ATP13A5: variants seen among roughly 807,000 people sequenced by gnomAD.
ATP13A5 encodes the protein ATPase 13A5.
In ATP13A5, 149 loss-of-function variants were observed where a neutral mutation model predicts 150.2. The observed-to-expected ratio is 0.99, with a 90% CI of 0.87 to 1.14. The LOEUF (loss-of-function observed/expected upper bound fraction) is 1.14, where lower values mean the gene tolerates loss of function less well. Ranked by LOEUF, ATP13A5 falls within the 50% of genes most tolerant of loss-of-function variation. The pLI is 0.00. For synonymous variants in ATP13A5, 497 were observed against 522.2 expected (o/e 0.95, Z 0.66); for missense variants, 1,383 against 1,449.3 (o/e 0.95, Z 0.74).
chr3:193,357,080 C>T (rs1192461261), intron 5 of ATP13A5, among the ~76,000 whole-genome samples: 2 of 152,178 alleles, frequency 1.3e-5, no homozygotes, highest in African/African-American at 4.8e-5. Flanking sequence ...TCCCAAAATG[C>T]TGGGATTACA....
intron 7 of ATP13A5, among the ~76,000 whole-genome samples, chr3:193,346,431 G>A (rs998346293): frequency 3.3e-5 from 5 of 152,180 alleles, no homozygotes; most frequent in African/African-American, 9.7e-5. Flanking sequence ...CAGACTGACT[G>A]TTGGGGCAAC....
At chr3:193,308,776 T>A (rs75980281) in intron 21 of ATP13A5, among the ~76,000 whole-genome samples, 4 of 152,188 alleles carry the variant, frequency 2.6e-5, no homozygotes, top group Non-Finnish European at 5.9e-5. Context: ...TCTTCCTGAA[T>A]TCATTTTTTA....
At chr3:193,291,365 T>C (rs1717947086) in intron 25 of ATP13A5, among the ~76,000 whole-genome samples, 1 of 152,028 alleles carries the variant, frequency 6.6e-6, no homozygotes, top group Non-Finnish European at 1.5e-5. Context: ...CACAGACAGA[T>C]TGTGTAATAA....
chr3:193,342,392 T>C (rs3845937), intron 9 of ATP13A5, among the ~76,000 whole-genome samples: 1 of 152,198 alleles, frequency 6.6e-6, no homozygotes, highest in Admixed American at 6.5e-5. Context: ...ATGTAGGCTG[T>C]GCAATAAAGT....
chr3:193,287,336 T>C (rs1371801312), intron 26 of ATP13A5, among the ~76,000 whole-genome samples: 3 of 152,160 alleles, frequency 2.0e-5, no homozygotes, highest in African/African-American at 7.2e-5. Context: ...CTTTAATAAC[T>C]AGAGATAAGT....
intron 27 of ATP13A5, chr3:193,281,185 C>T: frequency 1.0e-6 from 1 of 985,290 alleles, no homozygotes. Flanking sequence ...TTTTCATTTA[C>T]TTCATGGATT....
At chr3:193,336,693 A>G (rs1331358881) in intron 9 of ATP13A5, among the ~76,000 whole-genome samples, 1 of 152,222 alleles carries the variant, frequency 6.6e-6, no homozygotes, top group Non-Finnish European at 1.5e-5. Flanking sequence ...GCCACAATAA[A>G]CATACGTGTG....
intron 12 of ATP13A5, among the ~76,000 whole-genome samples, chr3:193,327,774 A>G (rs1313337368): frequency 1.3e-5 from 2 of 152,198 alleles, no homozygotes; most frequent in East Asian, 1.9e-4. Context: ...GTGTTGATGA[A>G]TTACATACTC....
chr3:193,333,649 C>T (rs1711728114), intron 11 of ATP13A5, 101 bp downstream of exon 11: 12 of 1,199,182 alleles, frequency 1.0e-5, no homozygotes, highest in Non-Finnish European at 5.9e-6. Context: ...TAATGATTCA[C>T]AGAATGATGG....
chr3:193,334,866 C>A, intron 10 of ATP13A5, 63 bp downstream of exon 10: 1 of 1,506,624 alleles, frequency 6.6e-7, no homozygotes, highest in Non-Finnish European at 9.1e-7. Context: ...AACTAAATTT[C>A]CCTAATCCAA....
intron 27 of ATP13A5, 52 bp downstream of exon 27, chr3:193,284,862 G>T: frequency 7.0e-7 from 1 of 1,435,200 alleles, no homozygotes; most frequent in Non-Finnish European, 9.6e-7. Context: ...TCTAGGGTGA[G>T]AAAGGGAATG....
Position 193,275,123 on chromosome 3 carries a change from A to G in ATP13A5, c.3576T>C (p.Tyr1192=), listed in dbSNP as rs374698924. 59 of 1,614,092 alleles carry G rather than the reference A, an allele frequency of 3.7e-5. No individual in the cohort carries two copies. Among genetic ancestry groups the G allele is most frequent in the Non-Finnish European group, 4.7e-5 (56 of 1,180,042 alleles). Residue 1192 remains tyrosine, a synonymous_variant, in exon 30 of 30, where the codon TAT becomes TAC. Transcript: ENST00000342358. ...GKNGFYINGG[Y]ESHEQIPKRK... ...TTTTTGGAATCTGTTCATGGCTTTC[A>G]TAGCCTCCGTTGATGTAGAATCCAT...
intron 26 of ATP13A5, among the ~76,000 whole-genome samples, chr3:193,285,682 C>T (rs1158956958): frequency 6.6e-6 from 1 of 152,170 alleles, no homozygotes; most frequent in Admixed American, 6.6e-5. Context: ...CTCCCATGCT[C>T]TATACACTCC....
chr3:193,374,334 A>G (rs1022725369), intron 1 of ATP13A5, among the ~76,000 whole-genome samples: 3 of 148,858 alleles, frequency 2.0e-5, no homozygotes, highest in Admixed American at 1.3e-4. Flanking sequence ...CCATGGGTGC[A>G]TAAGTGTGGG....
Position 193,315,071 on chromosome 3 carries a change from A to G in ATP13A5, c.2059T>C (p.Phe687Leu). ...TTCTCCATGATGAGAAGTCCCAGAA[A>G]TGTTAACTCTGACTCCACTTTTTCT... ...AREKVESELT[F>L]LGLLIMENRL... is the part of the protein sequence containing the mutation. Residue 687 changes from phenylalanine to leucine, a missense_variant, in exon 18 of 30, where the codon TTT becomes CTT. Physicochemically the swap from Phe to Leu is conservative, Grantham distance 22. Around this residue, in one of 3 missense-constraint regions of ATP13A5, gnomAD observed 568 missense variants for 621.5 expected, o/e 0.91. Coordinates refer to ENST00000342358, the MANE Select transcript of ATP13A5 (RefSeq NM_198505.4). The G allele has an allele frequency of 6.2e-7, 1 of 1,613,736 alleles. No individual in the cohort carries two copies. Among genetic ancestry groups the G allele is most frequent in the Non-Finnish European group, 8.5e-7 (1 of 1,179,758 alleles).
At chr3:193,355,988 C>G (rs1438129408) in intron 5 of ATP13A5, among the ~76,000 whole-genome samples, 2 of 152,138 alleles carry the variant, frequency 1.3e-5, no homozygotes, top group African/African-American at 4.8e-5. Flanking sequence ...ACAGCTAAGA[C>G]CTTGTGCTTG....
intron 9 of ATP13A5, among the ~76,000 whole-genome samples, chr3:193,338,203 T>C (rs1311796213): frequency 6.6e-6 from 1 of 152,216 alleles, no homozygotes; most frequent in Non-Finnish European, 1.5e-5. Context: ...CTTCCTCTTT[T>C]TCTAATTGAA....
intron 21 of ATP13A5, among the ~76,000 whole-genome samples, chr3:193,309,547 C>T (rs955937850): frequency 2.0e-5 from 3 of 152,168 alleles, no homozygotes; most frequent in African/African-American, 7.2e-5. Context: ...TGGGCTGGAT[C>T]TAGTGGCTTA....
intron 25 of ATP13A5, among the ~76,000 whole-genome samples, chr3:193,296,892 C>T (rs1240110780): frequency 3.9e-5 from 6 of 151,986 alleles, no homozygotes; most frequent in Non-Finnish European, 7.4e-5. Context: ...CATATTCTCA[C>T]TTATAAGTGG....
Sources: gnomAD v4.1 joint callset for allele counts (sites outside exome capture counted in the v4.1 genomes callset) on GRCh38, gnomAD v4.1.1 for gene constraint, gnomAD v4.1.1 regional missense constraint, MANE v1.5 for transcripts, NCBI Gene and HGNC (gene_info 2026-07-23, HGNC 2026-07-21) for gene names.